DNAJC7: variants seen among roughly 807,000 people sequenced by gnomAD.
DNAJC7 encodes DnaJ heat shock protein family (Hsp40) member C7.
In DNAJC7, 18 loss-of-function variants were observed where a neutral mutation model predicts 67.4. The observed-to-expected ratio is 0.27, with a 90% CI of 0.18 to 0.40. The LOEUF (loss-of-function observed/expected upper bound fraction) is 0.40. DNAJC7 is among the 10% of genes least tolerant of loss of function. DNAJC7 has a pLI of 1.00. For synonymous variants in DNAJC7, 220 were observed against 207.8 expected (o/e 1.06, Z -0.50); for missense variants, 419 against 613.8 (o/e 0.68, Z 3.35).
At chr17:41,988,970 C>CT in intron 7 of DNAJC7, 74 bp from the exon 8 acceptor site, 1 of 1,545,098 alleles carries the variant, frequency 6.5e-7, no homozygotes, top group South Asian at 1.2e-5. Context: ...AGGCCAGACT[C>CT]TATTTTCAAG....
At chr17:42,016,376 A>G (rs1184828774) in intron 1 of DNAJC7, 1 of 152,234 alleles carries the variant, frequency 6.6e-6, no homozygotes, top group Admixed American at 6.5e-5. Flanking sequence ...GTATGTTGCA[A>G]AGAGACTGAG....
intron 1 of DNAJC7, among the ~76,000 whole-genome samples, chr17:42,004,083 T>G (rs1235780290): frequency 6.7e-6 from 1 of 150,374 alleles, no homozygotes. Flanking sequence ...GCCTCCCGAG[T>G]AGCTGGGATT....
chr17:42,005,926 GCTTT>G (rs1222541610), intron 1 of DNAJC7, among the ~76,000 whole-genome samples: 43 of 147,630 alleles, frequency 2.9e-4, no homozygotes, highest in African/African-American at 1.0e-3. Flanking sequence ...TGAGAAAAGA[GCTTT>G]ATTTATTTAT....
chr17:42,004,644 C>T (rs1463686343), intron 1 of DNAJC7, among the ~76,000 whole-genome samples: 1 of 152,212 alleles, frequency 6.6e-6, no homozygotes, highest in African/African-American at 2.4e-5. Flanking sequence ...ACAACAGGAT[C>T]AGCACACTGG....
chr17:41,978,801 A>G (rs932889068), intron 12 of DNAJC7, among the ~76,000 whole-genome samples: 8 of 152,078 alleles, frequency 5.3e-5, no homozygotes, highest in African/African-American at 1.7e-4. Flanking sequence ...AATGGCGTGA[A>G]CCCGGGAGGC....
chr17:42,007,880 T>C (rs1555650567), intron 1 of DNAJC7, among the ~76,000 whole-genome samples: 3 of 133,240 alleles, frequency 2.3e-5, no homozygotes, highest in Admixed American at 7.6e-5. Flanking sequence ...AATTTCGCTC[T>C]TGTTGCCCAG....
chr17:41,977,220 C>T, intron 13 of DNAJC7, 41 bp downstream of exon 13: 1 of 1,558,216 alleles, frequency 6.4e-7, no homozygotes, highest in Non-Finnish European at 8.7e-7. Context: ...AGTGTGTTGG[C>T]TTGTGATCTG....
At chr17:42,003,602 A>C (rs1555649747) in intron 1 of DNAJC7, 2 of 152,224 alleles carry the variant, frequency 1.3e-5, no homozygotes, top group African/African-American at 4.8e-5. Context: ...AATTGAAGGC[A>C]ATCTGGTGGT....
intron 9 of DNAJC7, 25 bp downstream of exon 9, chr17:41,987,794 C>G (rs782136194): frequency 3.2e-6 from 5 of 1,579,620 alleles, no homozygotes; most frequent in Non-Finnish European, 4.3e-6. Flanking sequence ...ACTCCCTCTT[C>G]CCCCTACCCA....
Position 41,983,549 on chromosome 17 carries a change from G to C in DNAJC7, c.1084+14C>G. ...CCACACAGTTCCCTAAAAAACAAAT[G>C]CTTTTAAACTTACCTTTTGTTTTCT... is the stretch of plus-strand genomic sequence containing the variant. On this transcript the variant is annotated intron_variant, in intron 10 of 13. Transcript: ENST00000457167. 6.4e-7 allele frequency: 1 copy of C among 1,571,614 alleles called. No homozygotes were observed. The highest frequency in any genetic ancestry group is 1.3e-5 in the African/African-American group (1 of 74,380).
chr17:41,994,273 T>C (rs1417602071), intron 5 of DNAJC7, among the ~76,000 whole-genome samples: 1 of 151,762 alleles, frequency 6.6e-6, no homozygotes, highest in African/African-American at 2.4e-5. Flanking sequence ...GAGGCAGAGG[T>C]TGCAGTGAGC....
intron 12 of DNAJC7, among the ~76,000 whole-genome samples, chr17:41,979,361 A>C (rs1209326479): frequency 6.6e-6 from 1 of 151,578 alleles, no homozygotes; most frequent in Non-Finnish European, 1.5e-5. Context: ...ACAAAAAAAA[A>C]TTAAATAAAT....
At chr17:41,977,192 G>C (rs2051108616) in intron 13 of DNAJC7, 69 bp downstream of exon 13, 1 of 1,466,758 alleles carries the variant, frequency 6.8e-7, no homozygotes, top group Non-Finnish European at 9.3e-7. Flanking sequence ...CTCCCAAAGA[G>C]CTGCCTAAGA....
chr17:42,017,165 C>A, intron 1 of DNAJC7, 175 bp downstream of exon 1: 1 of 1,509,328 alleles, frequency 6.6e-7, no homozygotes, highest in African/African-American at 1.4e-5. Context: ...AGAGGAAGGC[C>A]GACCCCCAAG....
intron 6 of DNAJC7, among the ~76,000 whole-genome samples, chr17:41,990,013 TAAAC>T (rs1309966848): frequency 6.6e-6 from 1 of 152,168 alleles, no homozygotes; most frequent in Non-Finnish European, 1.5e-5. Context: ...AGGACTACCT[TAAAC>T]AAACAAACAA....
chr17:41,980,540 C>G (rs2051222559), intron 12 of DNAJC7, among the ~76,000 whole-genome samples: 1 of 152,196 alleles, frequency 6.6e-6, no homozygotes, highest in Non-Finnish European at 1.5e-5. Flanking sequence ...CATGCACCAC[C>G]ATGCTCAGCT....
intron 1 of DNAJC7, among the ~76,000 whole-genome samples, chr17:42,006,897 A>G (rs1201439718): frequency 1.3e-5 from 2 of 150,470 alleles, no homozygotes; most frequent in Non-Finnish European, 3.0e-5. Context: ...CAGGAGATCA[A>G]GACCATCCTG....
intron 5 of DNAJC7, among the ~76,000 whole-genome samples, chr17:41,990,895 C>T (rs1431272427): frequency 6.6e-6 from 1 of 151,928 alleles, no homozygotes; most frequent in Non-Finnish European, 1.5e-5. Context: ...TGGTCTTGAT[C>T]CTCGTGATCC....
intron 1 of DNAJC7, among the ~76,000 whole-genome samples, chr17:42,006,537 G>C (rs575029822): frequency 6.6e-6 from 1 of 151,394 alleles, no homozygotes; most frequent in Non-Finnish European, 1.5e-5. Context: ...GGTGGCTCAC[G>C]CCTGTAATCC....
Sources: gnomAD v4.1 joint callset for allele counts (sites outside exome capture counted in the v4.1 genomes callset) on GRCh38, gnomAD v4.1.1 for gene constraint, MANE v1.5 for transcripts, NCBI Gene and HGNC (gene_info 2026-07-23, HGNC 2026-07-21) for gene names.